Variants in RTKN2 observed in about 807,000 individuals in gnomAD.
RTKN2 encodes rhotekin-2.
Under a neutral mutation model 71.5 loss-of-function variants are expected in RTKN2, and 69 were observed. The observed-to-expected ratio is 0.96, with a 90% CI of 0.79 to 1.18. The LOEUF is 1.18. Ranked by LOEUF, RTKN2 falls within the 50% of genes most tolerant of loss-of-function variation. The pLI is 0.00. For synonymous variants in RTKN2, 236 were observed against 236.5 expected, an observed-to-expected ratio of 1.00 and a Z score of 0.02; for missense variants, 724 against 719.7, an observed-to-expected ratio of 1.01 and a Z score of -0.07.
At chr10:62,216,065 C>A (rs1460005883) in intron 9 of RTKN2, among the ~76,000 whole-genome samples, 2 of 151,726 alleles carry the variant, frequency 1.3e-5, no homozygotes, top group South Asian at 2.1e-4. Flanking sequence ...AAGTAAAAAG[C>A]AGTGTAATTT....
At chr10:62,267,447 C>T (rs1465379740) in intron 1 of RTKN2, among the ~76,000 whole-genome samples, 2 of 151,984 alleles carry the variant, frequency 1.3e-5, no homozygotes, top group African/African-American at 4.8e-5. Context: ...ATTTTGTTAG[C>T]AATCAGGACA....
At chr10:62,247,009 C>T (rs1842491197) in intron 2 of RTKN2, among the ~76,000 whole-genome samples, 1 of 151,902 alleles carries the variant, frequency 6.6e-6, no homozygotes, top group African/African-American at 2.4e-5. Context: ...TTGTATTTTT[C>T]ATTCCTATTT....
intron 2 of RTKN2, among the ~76,000 whole-genome samples, chr10:62,256,797 T>C (rs1842684730): frequency 6.6e-6 from 1 of 152,136 alleles, no homozygotes; most frequent in African/African-American, 2.4e-5. Context: ...ATACATGATG[T>C]TGATTGTACT....
chr10:62,234,253 G>A (rs1349707208), intron 6 of RTKN2, among the ~76,000 whole-genome samples: 1 of 151,906 alleles, frequency 6.6e-6, no homozygotes, highest in African/African-American at 2.4e-5. Context: ...GCTGGGTGTG[G>A]TGGCCTCATA....
chr10:62,188,970 G>C (rs958692776), downstream of RTKN2, among the ~76,000 whole-genome samples: 1 of 151,204 alleles, frequency 6.6e-6, no homozygotes, highest in Non-Finnish European at 1.5e-5. Context: ...GGATGATCTC[G>C]ATCTCCTGAC....
chr10:62,259,279 T>TAA, intron 2 of RTKN2: 1 of 296,318 alleles, frequency 3.4e-6, no homozygotes, highest in Non-Finnish European at 6.4e-6. Flanking sequence ...TTTTTCTTAA[T>TAA]ACTCAGTCTC....
rs951080303 is a variant in RTKN2 at position 62,268,709 on chromosome 10, C to T, written c.-99G>A. 4 of 1,273,776 alleles carry T rather than the reference C, an allele frequency of 3.1e-6. No individual in the cohort carries two copies. Among genetic ancestry groups the T allele is most frequent in the East Asian group, 5.2e-5 (2 of 38,222 alleles). 78.9% of individuals were successfully genotyped at this position (1,273,776 alleles called of 1,614,324 possible). A position where few individuals can be genotyped will look rare whatever the true frequency, so the allele number is the denominator to read the frequency against. On this transcript the variant is annotated 5_prime_UTR_variant, in exon 1 of 12. Coordinates refer to ENST00000373789, the MANE Select transcript of RTKN2 (RefSeq NM_145307.4). Reference sequence around the variant, plus strand: ...CCGCAGAGGACGCCAACCGCCCGGCCGTACCAAGTCCCAGTCGCAGGGGCC... The same window carrying T: ...CCGCAGAGGACGCCAACCGCCCGGCTGTACCAAGTCCCAGTCGCAGGGGCC...
At position 62,194,400 on chromosome 10, in the gene RTKN2, C is replaced by G. The variant is rs989874137; in HGVS notation, c.*3508G>C. The G allele has an allele frequency of 5.1e-6, 5 of 982,140 alleles. No homozygotes were observed. Among genetic ancestry groups the G allele is most frequent in the Admixed American group, 6.2e-5 (1 of 16,248 alleles). The allele number at this position is 982,140 out of a possible 1,614,324, so 60.8% of individuals were successfully genotyped here. ...ATGTAAGGGGAAAATGTCAACTTTACATTATAATTTAAGACTAACAGTGAA... is the reference window on the plus strand; with the variant it reads ...ATGTAAGGGGAAAATGTCAACTTTAGATTATAATTTAAGACTAACAGTGAA... On this transcript the variant is annotated 3_prime_UTR_variant, in exon 12 of 12. Coordinates refer to ENST00000373789, the MANE Select transcript of RTKN2 (RefSeq NM_145307.4).
At chr10:62,218,755 G>A (rs1024380910) in intron 7 of RTKN2, among the ~76,000 whole-genome samples, 1 of 152,146 alleles carries the variant, frequency 6.6e-6, no homozygotes, top group Non-Finnish European at 1.5e-5. Context: ...CGAGGCCGAG[G>A]CAGGCGGATC....
At chr10:62,222,674 C>G (rs867624607) in intron 7 of RTKN2, among the ~76,000 whole-genome samples, 1 of 152,112 alleles carries the variant, frequency 6.6e-6, no homozygotes, top group Non-Finnish European at 1.5e-5. Flanking sequence ...TTTTTCATCA[C>G]AAGTAAAATA....
rs1841949280 is a variant in RTKN2 at position 62,223,282 on chromosome 10, G to A, written c.737C>T (p.Ala246Val). ...ATTATGGGTCTTGAAACTATCCTCA[G>A]CACTTTCCAAGGTTAGGGTAGTGTG... is the stretch of plus-strand genomic sequence containing the variant. Reference protein sequence around the residue: ...LAHTTLTLESAEDSFKTHNLS... With the variant: ...LAHTTLTLESVEDSFKTHNLS... Residue 246 changes from alanine to valine, a missense_variant, in exon 7 of 12, where the codon GCT becomes GTT. Transcript: ENST00000373789. The A allele has an allele frequency of 6.2e-6, 10 of 1,610,754 alleles. No homozygotes were observed. The highest frequency in any genetic ancestry group is 7.6e-6 in the Non-Finnish European group (9 of 1,177,172).
chr10:62,202,099 C>G (rs1002542281), intron 10 of RTKN2, among the ~76,000 whole-genome samples: 2 of 152,058 alleles, frequency 1.3e-5, no homozygotes, highest in Non-Finnish European at 2.9e-5. Context: ...TTTTCTCTAT[C>G]TTTGACCTAC....
At chr10:62,256,605 T>C (rs1333670996) in intron 2 of RTKN2, among the ~76,000 whole-genome samples, 4 of 152,156 alleles carry the variant, frequency 2.6e-5, no homozygotes, top group African/African-American at 7.2e-5. Context: ...GTGTGCCATG[T>C]TGTCTGCAAC....
intron 6 of RTKN2, among the ~76,000 whole-genome samples, chr10:62,230,725 C>G (rs1842130995): frequency 6.6e-6 from 1 of 152,120 alleles, no homozygotes; most frequent in Non-Finnish European, 1.5e-5. Flanking sequence ...CTGTAGCTTG[C>G]AAGAGGTATA....
chr10:62,205,314 C>T (rs186043587), intron 9 of RTKN2, among the ~76,000 whole-genome samples: 2 of 152,250 alleles, frequency 1.3e-5, no homozygotes, highest in East Asian at 3.9e-4. Context: ...TTTGATCCAT[C>T]TCAGTTTAAG....
intron 2 of RTKN2, among the ~76,000 whole-genome samples, chr10:62,255,284 T>C (rs1055565671): frequency 2.0e-5 from 3 of 152,194 alleles, no homozygotes; most frequent in African/African-American, 7.2e-5. Context: ...GAAGCAGTGA[T>C]ACCCCAGGAA....
chr10:62,200,906 CTATT>C lies in RTKN2; in HGVS notation c.1187-1049_1187-1046del, dbSNP rs1464803728. On this transcript the variant is annotated intron_variant, in intron 10 of 11. Transcript: ENST00000373789. ...AATAGTCTTGAATAAAATCTTTCAACTATTAAGTTAAAATTTGAGTGTGGACATT... is the reference window on the plus strand; with the variant it reads ...AATAGTCTTGAATAAAATCTTTCAACAAGTTAAAATTTGAGTGTGGACATT... Among the ~76,000 whole-genome samples, 6 of 152,152 alleles carry C rather than the reference CTATT, an allele frequency of 3.9e-5. No individual in the cohort carries two copies. The East Asian group carries it at 9.6e-4, about 24-fold the overall frequency.
chr10:62,211,995 T>A (rs1841669334), intron 9 of RTKN2, among the ~76,000 whole-genome samples: 1 of 152,130 alleles, frequency 6.6e-6, no homozygotes, highest in Admixed American at 6.6e-5. Context: ...TTTTACTTGA[T>A]CCTTACCTGC....
At chr10:62,214,174 ATATT>A (rs1243231825) in intron 9 of RTKN2, among the ~76,000 whole-genome samples, 1 of 151,722 alleles carries the variant, frequency 6.6e-6, no homozygotes, top group East Asian at 1.9e-4. Context: ...CAATTAAATT[ATATT>A]TATTTATATT....
Sources: allele counts gnomAD v4.1 joint callset (sites outside exome capture counted in the v4.1 genomes callset), GRCh38; gene constraint gnomAD v4.1.1; transcripts MANE v1.5; gene names NCBI Gene and HGNC (gene_info 2026-07-23, HGNC 2026-07-21).